PCDHGC5: variants seen among roughly 807,000 people sequenced by gnomAD.
PCDHGC5 encodes protocadherin gamma subfamily C, 5, also known as protocadherin gamma-C5.
Under a neutral mutation model 59.0 loss-of-function variants are expected in PCDHGC5, and 25 were observed. The observed-to-expected ratio is 0.42, with a 90% CI of 0.31 to 0.59. The LOEUF (loss-of-function observed/expected upper bound fraction) is 0.59. Ranked by LOEUF, PCDHGC5 falls within the 20% of genes least tolerant of loss-of-function variation. The pLI is 0.13. For synonymous variants in PCDHGC5, 434 were observed against 505.5 expected, an observed-to-expected ratio of 0.86 and a Z score of 1.90; for missense variants, 1,067 against 1,206.4, an observed-to-expected ratio of 0.88 and a Z score of 1.71.
intron 2 of PCDHGC5, among the ~76,000 whole-genome samples, chr5:141,497,984 C>G (rs2099780951): frequency 6.6e-6 from 1 of 152,194 alleles, no homozygotes; most frequent in South Asian, 2.1e-4. Flanking sequence ...TGGGAGGCCC[C>G]TGCCCTCAAG....
At chr5:141,510,404 G>T (rs1596286932) in intron 3 of PCDHGC5, among the ~76,000 whole-genome samples, 2 of 152,252 alleles carry the variant, frequency 1.3e-5, no homozygotes, top group East Asian at 3.9e-4. Context: ...AAAGGCTAGG[G>T]GCATGTAAAG....
chr5:141,490,652 C>A lies in PCDHGC5; in HGVS notation c.1412C>A (p.Ser471Tyr). ...ATCCTAGAAAACCGGCCTCCGGGCT[C>A]CCTTCTTTGCACTGTGGCTGCCTCA... ...AYILENRPPG[S>Y]LLCTVAASDP... The change falls in exon 1 of 4, where the codon TCC becomes TAC. Residue 471 changes from serine to tyrosine, a missense_variant. By Grantham distance (144) the Ser-to-Tyr change is moderately radical. Transcript: ENST00000252087. The surrounding 1 kb of genome is among the most constrained non-coding windows in gnomAD (Gnocchi z 5.4). 6.2e-7 allele frequency: 1 copy of A among 1,614,208 alleles called. No individual in the cohort carries two copies. Among genetic ancestry groups the A allele is most frequent in the Non-Finnish European group, 8.5e-7 (1 of 1,180,026 alleles).
At chr5:141,492,404 T>C (rs944864208) in intron 1 of PCDHGC5, among the ~76,000 whole-genome samples, 9 of 152,316 alleles carry the variant, frequency 5.9e-5, no homozygotes, top group African/African-American at 1.9e-4. Context: ...GCAGCTCCCC[T>C]CTGCCGCTCC....
In PCDHGC5 at chr5:141,489,483, T is replaced by C. The variant is rs2099687756; in HGVS notation, c.243T>C (p.Ser81=). ...NGRYFSLSLM[S]GALAVNQKID... ...GCTATTTTTCCCTGAGCTTGATGAGTGGTGCCCTGGCAGTGAATCAAAAGA... is the reference window on the plus strand; with the variant it reads ...GCTATTTTTCCCTGAGCTTGATGAGCGGTGCCCTGGCAGTGAATCAAAAGA... The change falls in exon 1 of 4, where the codon AGT becomes AGC. Residue 81 remains serine, a synonymous_variant. Coordinates refer to ENST00000252087, the MANE Select transcript of PCDHGC5 (RefSeq NM_018929.3). This position sits in a 1 kb window ranked among gnomAD's most constrained non-coding sequence, Gnocchi z 4.5. 1 of 1,613,862 alleles carries C rather than the reference T, an allele frequency of 6.2e-7. No individual in the cohort carries two copies. The highest frequency in any genetic ancestry group is 1.1e-5 in the South Asian group (1 of 91,078).
Position 141,491,905 on chromosome 5 carries a change from G to A in PCDHGC5, c.2460+205G>A. 7.1e-7 allele frequency: 1 copy of A among 1,418,328 alleles called. No individual in the cohort carries two copies. Among genetic ancestry groups the A allele is most frequent in the Non-Finnish European group, 9.3e-7 (1 of 1,069,952 alleles). 87.9% of individuals were successfully genotyped at this position (1,418,328 alleles called of 1,614,324 possible). ...GATGGGGCTCCGAGCACCGGGGGTG[G>A]TGGCGACTGTGGGCGAGGGGAGGTG... On this transcript the variant is annotated intron_variant, in intron 1 of 3. Transcript: ENST00000252087. This position sits in a 1 kb window ranked among gnomAD's most constrained non-coding sequence, Gnocchi z 6.9.
Position 141,489,565 on chromosome 5 carries a change from G to C in PCDHGC5, c.325G>C (p.Val109Leu). The C allele has an allele frequency of 6.2e-7, 1 of 1,614,118 alleles. No homozygotes were observed. ...STSCLLPVQV[V>L]TEHPLELIRV... ...CAGCTGCCTGCTGCCAGTGCAGGTGGTGACTGAACACCCCCTGGAGCTAAT... is the reference window on the plus strand; with the variant it reads ...CAGCTGCCTGCTGCCAGTGCAGGTGCTGACTGAACACCCCCTGGAGCTAAT... Residue 109 changes from valine to leucine, a missense_variant, in exon 1 of 4, where the codon GTG (valine) becomes CTG (leucine). Coordinates refer to ENST00000252087, the MANE Select transcript of PCDHGC5 (RefSeq NM_018929.3). This position sits in a 1 kb window ranked among gnomAD's most constrained non-coding sequence, Gnocchi z 4.5.
intron 2 of PCDHGC5, among the ~76,000 whole-genome samples, chr5:141,499,984 G>A (rs1350203006): frequency 6.6e-6 from 1 of 151,872 alleles, no homozygotes; most frequent in East Asian, 1.9e-4. Context: ...CACCTTGCCC[G>A]GCCAGATGAT....
In PCDHGC5 at chr5:141,511,188, C is replaced by A; in HGVS notation, c.*15C>A. 1 of 1,613,804 alleles carries A rather than the reference C, an allele frequency of 6.2e-7. No homozygotes were observed. ...AGAAGAAGTAACATGGAGGCCAGGC[C>A]AAGAGCCACAGGGCGGCCTCTCCCC... On this transcript the variant is annotated 3_prime_UTR_variant, in exon 4 of 4. Transcript: ENST00000252087.
rs2099706000 is a variant in PCDHGC5 at position 141,490,911 on chromosome 5, G to A, written c.1671G>A (p.Glu557=). 1 of 1,613,722 alleles carries A rather than the reference G, an allele frequency of 6.2e-7. No individual in the cohort carries two copies. Among genetic ancestry groups the A allele is most frequent in the Non-Finnish European group, 8.5e-7 (1 of 1,179,746 alleles). Reference sequence around the variant, plus strand: ...CTCTGCATGTGTTTGTCCTAGACGAGAATGATAATGCCCCAGCTGTGCTGC... The same window carrying A: ...CTCTGCATGTGTTTGTCCTAGACGAAAATGATAATGCCCCAGCTGTGCTGC... ...NTSLHVFVLD[E]NDNAPAVLHP... Residue 557 remains glutamate, a synonymous_variant, in exon 1 of 4, where the codon GAG becomes GAA. Coordinates refer to ENST00000252087, the MANE Select transcript of PCDHGC5 (RefSeq NM_018929.3). This position sits in a 1 kb window ranked among gnomAD's most constrained non-coding sequence, Gnocchi z 5.4.
Position 141,491,573 on chromosome 5 carries a change from T to G in PCDHGC5, c.2333T>G (p.Phe778Cys). The G allele has an allele frequency of 6.2e-7, 1 of 1,613,912 alleles. No individual in the cohort carries two copies. The highest frequency in any genetic ancestry group is 8.5e-7 in the Non-Finnish European group (1 of 1,180,030). The stretch of plus-strand genomic sequence containing the variant: ...CAGAGCCACTGCTACAGGACGTGCT[T>G]TTCACCGGCCTCGGACGGCAGTGAC... The part of the protein sequence containing the change: ...DSQSHCYRTC[F>C]SPASDGSDFT... Residue 778 changes from phenylalanine (F) to cysteine (C), a missense_variant, in exon 1 of 4, where the codon TTT (phenylalanine) becomes TGT (cysteine). Physicochemically the swap from Phe to Cys is radical, Grantham distance 205 (BLOSUM62 -2). Transcript: ENST00000252087. The surrounding 1 kb of genome is among the most constrained non-coding windows in gnomAD (Gnocchi z 6.9).
At position 141,511,462 on chromosome 5, in the gene PCDHGC5, C is replaced by A. The variant is rs1385398410; in HGVS notation, c.*289C>A. ...AGACACCAAGAACCATTTGCCACAC[C>A]CCGTTTAGTTACAGCTGAACTCCTC... On this transcript the variant is annotated 3_prime_UTR_variant, in exon 4 of 4. Coordinates refer to ENST00000252087, the MANE Select transcript of PCDHGC5 (RefSeq NM_018929.3). The A allele has an allele frequency of 4.7e-5, 26 of 556,350 alleles. No individual in the cohort carries two copies. Among genetic ancestry groups the A allele is most frequent in the Non-Finnish European group, 9.1e-6 (3 of 329,202 alleles). 34.5% of individuals were successfully genotyped at this position (556,350 alleles called of 1,614,324 possible). A position where few individuals can be genotyped will look rare whatever the true frequency, so the allele number is the denominator to read the frequency against.
At position 141,511,373 on chromosome 5, in the gene PCDHGC5, G is replaced by C. The variant is rs1361376059; in HGVS notation, c.*200G>C. 16 of 1,251,214 alleles carry C rather than the reference G, an allele frequency of 1.3e-5. No homozygotes were observed. Among genetic ancestry groups the C allele is most frequent in the Non-Finnish European group, 1.4e-5 (13 of 925,282 alleles). The allele number at this position is 1,251,214 out of a possible 1,614,324, so 77.5% of individuals were successfully genotyped here. A position where few individuals can be genotyped will look rare whatever the true frequency, so the allele number is the denominator to read the frequency against. ...CCCCCAGGGGGTTGAATATGCAAAAGCAGTTCCGCTGGGAACCCCCATCCA... is the reference window on the plus strand; with the variant it reads ...CCCCCAGGGGGTTGAATATGCAAAACCAGTTCCGCTGGGAACCCCCATCCA... On this transcript the variant is annotated 3_prime_UTR_variant, in exon 4 of 4. Transcript: ENST00000252087.
At position 141,511,575 on chromosome 5, in the gene PCDHGC5, T is replaced by C. The variant is rs930675653; in HGVS notation, c.*402T>C. On this transcript the variant is annotated 3_prime_UTR_variant, in exon 4 of 4. Transcript: ENST00000252087. ...AGTTCCTCTTTCCCGAGTAAGGTGG[T>C]TGGGGTGTTGAAGTACCAAGTAACC... 28 of 287,258 alleles carry C rather than the reference T, an allele frequency of 9.7e-5. No individual in the cohort carries two copies. Among genetic ancestry groups the C allele is most frequent in the Middle Eastern group, 1.3e-3 (1 of 784 alleles). The allele number at this position is 287,258 out of a possible 1,614,324, so 17.8% of individuals were successfully genotyped here.
intron 3 of PCDHGC5, 73 bp from the exon 4 acceptor site, chr5:141,510,874 G>A (rs1419164967): frequency 3.7e-6 from 6 of 1,610,008 alleles, no homozygotes; most frequent in Admixed American, 1.7e-5. Context: ...TTCATTAACT[G>A]CTGGGGATAT....
At chr5:141,510,627 G>C (rs2099881988) in intron 3 of PCDHGC5, among the ~76,000 whole-genome samples, 2 of 152,090 alleles carry the variant, frequency 1.3e-5, no homozygotes, top group South Asian at 2.1e-4. Context: ...AACCAGAAGA[G>C]GTGGTTACCA....
chr5:141,507,796 G>GGGAA (rs2099863457), intron 3 of PCDHGC5, among the ~76,000 whole-genome samples: 1 of 152,220 alleles, frequency 6.6e-6, no homozygotes, highest in Admixed American at 6.5e-5. Flanking sequence ...GTCTAAGCCT[G>GGGAA]CGCCCTGGGG....
In PCDHGC5 at chr5:141,489,984, T is replaced by C; in HGVS notation, c.744T>C (p.Arg248=). The C allele has an allele frequency of 1.2e-6, 2 of 1,614,212 alleles. No homozygotes were observed. Among genetic ancestry groups the C allele is most frequent in the South Asian group, 1.1e-5 (1 of 91,090 alleles). ...NAPTFQSSVL[R]VGIPENAPIG... is the part of the protein sequence containing the mutation. ...CAACCTTCCAATCCTCAGTTCTACG[T>C]GTGGGAATCCCAGAGAATGCACCCA... The change falls in exon 1 of 4, where the codon CGT becomes CGC. Residue 248 remains arginine, a synonymous_variant. Transcript: ENST00000252087. The surrounding 1 kb of genome is among the most constrained non-coding windows in gnomAD (Gnocchi z 4.5).
chr5:141,498,306 A>C (rs2099783027), intron 2 of PCDHGC5, among the ~76,000 whole-genome samples: 1 of 151,810 alleles, frequency 6.6e-6, no homozygotes, highest in African/African-American at 2.4e-5. Flanking sequence ...TCTGGGTCAC[A>C]CTGCCTACAC....
intron 2 of PCDHGC5, among the ~76,000 whole-genome samples, chr5:141,499,317 A>G (rs532848559): frequency 7.9e-5 from 12 of 152,354 alleles, no homozygotes; most frequent in Admixed American, 1.3e-4. Context: ...GAGAGACAGT[A>G]TCCCTGCTCT....
Sources: gnomAD v4.1 joint callset for allele counts (sites outside exome capture counted in the v4.1 genomes callset) on GRCh38, gnomAD v4.1.1 for gene constraint, Gnocchi (gnomAD v3.1) non-coding constraint, MANE v1.5 for transcripts, NCBI Gene and HGNC (gene_info 2026-07-23, HGNC 2026-07-21) for gene names.